The following MVB12B variants were observed in gnomAD, a reference collection of about 807,000 sequenced individuals.
MVB12B encodes ESCRT-I complex subunit MVB12B.
A neutral mutation model predicts 41.6 loss-of-function variants in MVB12B; 16 were observed. The observed-to-expected ratio is 0.38, with a 90% CI of 0.26 to 0.58. The LOEUF (loss-of-function observed/expected upper bound fraction) is 0.58, where lower values mean the gene tolerates loss of function less well. Ranked by LOEUF, MVB12B falls within the 20% of genes least tolerant of loss-of-function variation. The probability of loss-of-function intolerance (pLI) is 0.62; values close to 1 mark genes in which losing one functional copy is unlikely to be tolerated. For synonymous variants in MVB12B, 133 were observed against 139.7 expected, an observed-to-expected ratio of 0.95 and a Z score of 0.34; for missense variants, 274 against 380.2, an observed-to-expected ratio of 0.72 and a Z score of 2.32.
In MVB12B at chr9:126,395,810, A is replaced by G. The variant is rs1831097072; in HGVS notation, c.662+113A>G. On this transcript the variant is annotated intron_variant, in intron 6 of 9. Coordinates refer to ENST00000361171, the MANE Select transcript of MVB12B (RefSeq NM_033446.3). This position sits in a 1 kb window ranked among gnomAD's most constrained non-coding sequence, Gnocchi z 4.9. The stretch of plus-strand genomic sequence containing the variant: ...AAATACTGCAAAGTACAGCTGAATA[A>G]TTGTAGAAGCAATATATCTTTAGAG... 16 of 1,515,228 alleles carry G rather than the reference A, an allele frequency of 1.1e-5. No homozygotes were observed. The highest frequency in any genetic ancestry group is 6.9e-5 in the Admixed American group (3 of 43,498). 93.9% of individuals were successfully genotyped at this position (1,515,228 alleles called of 1,614,324 possible). A position where few individuals can be genotyped will look rare whatever the true frequency, so the allele number is the denominator to read the frequency against.
At chr9:126,450,938 T>G (rs1378761206) in intron 7 of MVB12B, among the ~76,000 whole-genome samples, 3 of 152,162 alleles carry the variant, frequency 2.0e-5, no homozygotes, top group Non-Finnish European at 2.9e-5. Context: ...AGACCAGCTG[T>G]GCCACCCAGC....
At chr9:126,500,172 C>CCCAGGAA (rs1231295603) in intron 9 of MVB12B, among the ~76,000 whole-genome samples, 4 of 151,898 alleles carry the variant, frequency 2.6e-5, no homozygotes, top group Admixed American at 2.0e-4. Flanking sequence ...CCCTGCCACC[C>CCCAGGAA]CCAGGAACCC....
chr9:126,335,052 TG>T (rs144287900), intron 1 of MVB12B, among the ~76,000 whole-genome samples: 3,557 of 152,182 alleles, frequency 0.023, 124 homozygotes, highest in African/African-American at 0.081. Flanking sequence ...ATTCTTCTGT[TG>T]GGGGGGAAAG....
intron 3 of MVB12B, among the ~76,000 whole-genome samples, chr9:126,385,828 C>G (rs958381976): frequency 6.6e-6 from 1 of 152,182 alleles, no homozygotes; most frequent in Non-Finnish European, 1.5e-5. Flanking sequence ...GAGCTCATTT[C>G]CAGCTTGAAA....
In MVB12B at chr9:126,421,845, C is replaced by T. The variant is rs1218182108; in HGVS notation, c.663-9C>T. On this transcript the variant is annotated splice_polypyrimidine_tract_variant and intron_variant, in intron 6 of 9. Transcript: ENST00000361171. ...GTAATCTCCTTTCTCTCGTCCTTCTCTTCCTCAGGCACATCTCCCTAACAC... is the reference window on the plus strand; with the variant it reads ...GTAATCTCCTTTCTCTCGTCCTTCTTTTCCTCAGGCACATCTCCCTAACAC... 6.2e-7 allele frequency: 1 copy of T among 1,609,214 alleles called. No homozygotes were observed. The highest frequency in any genetic ancestry group is 1.3e-5 in the African/African-American group (1 of 74,826).
intron 1 of MVB12B, among the ~76,000 whole-genome samples, chr9:126,332,386 T>C (rs1177964496): frequency 1.3e-5 from 2 of 152,310 alleles, no homozygotes; most frequent in Non-Finnish European, 2.9e-5. Flanking sequence ...ACCAATTAAA[T>C]GAGAACCTGA....
At chr9:126,383,072 G>A (rs139991639) in intron 3 of MVB12B, among the ~76,000 whole-genome samples, 1 of 152,256 alleles carries the variant, frequency 6.6e-6, no homozygotes, top group East Asian at 1.9e-4. Context: ...CGATCCAAAC[G>A]ATCGAGTACC....
chr9:126,405,580 C>A (rs1331455379), intron 6 of MVB12B, among the ~76,000 whole-genome samples: 2 of 151,946 alleles, frequency 1.3e-5, no homozygotes, highest in East Asian at 3.9e-4. Context: ...TAAAAATGGG[C>A]GTTAAACCAG....
chr9:126,422,922 AG>A (rs1210124597), intron 7 of MVB12B, among the ~76,000 whole-genome samples: 1 of 152,168 alleles, frequency 6.6e-6, no homozygotes, highest in Non-Finnish European at 1.5e-5. Context: ...CCTGCTGAGA[AG>A]GGGAGGAACA....
At chr9:126,445,813 C>T (rs981059504) in intron 7 of MVB12B, among the ~76,000 whole-genome samples, 1 of 151,916 alleles carries the variant, frequency 6.6e-6, no homozygotes, top group Non-Finnish European at 1.5e-5. Context: ...TTTTTTTAAT[C>T]TTCATTTGGT....
chr9:126,486,262 G>A lies in MVB12B; in HGVS notation c.873+2230G>A, dbSNP rs1478493386. Reference sequence around the variant, plus strand: ...TAGGTGTGCATAAAATTTCACACCTGCCCTTCTCAAAGCAGGGGAGCTGTG... The same window carrying A: ...TAGGTGTGCATAAAATTTCACACCTACCCTTCTCAAAGCAGGGGAGCTGTG... On this transcript the variant is annotated intron_variant, in intron 9 of 9. Coordinates refer to ENST00000361171, the MANE Select transcript of MVB12B (RefSeq NM_033446.3). This position sits in a 1 kb window ranked among gnomAD's most constrained non-coding sequence, Gnocchi z 4.7. Among the ~76,000 whole-genome samples the A allele has an allele frequency of 6.6e-6, 1 of 152,078 alleles. No homozygotes were observed. The highest frequency in any genetic ancestry group is 1.5e-5 in the Non-Finnish European group (1 of 68,020).
At chr9:126,328,776 C>T (rs1564274412) in intron 1 of MVB12B, among the ~76,000 whole-genome samples, 1 of 150,158 alleles carries the variant, frequency 6.7e-6, no homozygotes, top group Non-Finnish European at 1.5e-5. Flanking sequence ...TTTCTGTCTG[C>T]TTTTTTTTTG....
chr9:126,409,124 G>GA (rs78419122), intron 6 of MVB12B, among the ~76,000 whole-genome samples: 10 of 144,376 alleles, frequency 6.9e-5, no homozygotes, highest in East Asian at 1.9e-4. Flanking sequence ...GTGGGGGGGG[G>GA]CTCAGTAATG....
intron 2 of MVB12B, among the ~76,000 whole-genome samples, chr9:126,353,113 A>G (rs924787373): frequency 6.6e-6 from 1 of 152,168 alleles, no homozygotes; most frequent in African/African-American, 2.4e-5. Flanking sequence ...ACTGAAGAAG[A>G]GAAGAGTCCA....
chr9:126,354,232 T>C (rs1272576212), intron 2 of MVB12B, among the ~76,000 whole-genome samples: 3 of 152,226 alleles, frequency 2.0e-5, no homozygotes, highest in Non-Finnish European at 4.4e-5. Context: ...TTGCCTGTTA[T>C]ATATGTTACA....
At chr9:126,423,702 A>C (rs555715792) in intron 7 of MVB12B, among the ~76,000 whole-genome samples, 1 of 152,256 alleles carries the variant, frequency 6.6e-6, no homozygotes, top group African/African-American at 2.4e-5. Context: ...TGGCTCCATA[A>C]GGCCTGCAAG....
intron 6 of MVB12B, among the ~76,000 whole-genome samples, chr9:126,405,926 C>T (rs768185917): frequency 1.9e-4 from 28 of 150,360 alleles, no homozygotes; most frequent in African/African-American, 6.3e-4. Flanking sequence ...ATTGTGTAAA[C>T]GTTATATATA....
In MVB12B at chr9:126,392,821, T is replaced by C. The variant is rs1328834194; in HGVS notation, c.539+626T>C. Among the ~76,000 whole-genome samples the C allele has an allele frequency of 6.6e-6, 1 of 152,102 alleles. No individual in the cohort carries two copies. Among genetic ancestry groups the C allele is most frequent in the Non-Finnish European group, 1.5e-5 (1 of 68,002 alleles). On this transcript the variant is annotated intron_variant, in intron 5 of 9. Coordinates refer to ENST00000361171, the MANE Select transcript of MVB12B (RefSeq NM_033446.3). The surrounding 1 kb of genome is among the most constrained non-coding windows in gnomAD (Gnocchi z 4.8). ...AGAAGCAGAAGGAGAGAAGTGGGAA[T>C]GAGCATGGCACGTTCTGGGAGCAGA...
intron 2 of MVB12B, among the ~76,000 whole-genome samples, chr9:126,358,426 A>C (rs978420931): frequency 3.3e-5 from 5 of 152,070 alleles, no homozygotes; most frequent in South Asian, 2.1e-4. Flanking sequence ...AACAATATTA[A>C]GTCTTCAGAT....
Sources: allele counts gnomAD v4.1 joint callset (sites outside exome capture counted in the v4.1 genomes callset), GRCh38; gene constraint gnomAD v4.1.1; non-coding constraint Gnocchi (gnomAD v3.1); transcripts MANE v1.5; gene names NCBI Gene and HGNC (gene_info 2026-07-23, HGNC 2026-07-21).